ST6GALNAC5: variants seen among roughly 807,000 people sequenced by gnomAD.
ST6GALNAC5 encodes ST6 N-acetylgalactosaminide alpha-2,6-sialyltransferase 5, also known as alpha-N-acetylgalactosaminide alpha-2,6-sialyltransferase 5.
Under a neutral mutation model 33.6 loss-of-function variants are expected in ST6GALNAC5, and 27 were observed. The observed-to-expected ratio is 0.80, with a 90% CI of 0.59 to 1.11. ST6GALNAC5 has a LOEUF of 1.11. Ranked by LOEUF, ST6GALNAC5 falls within the 50% of genes least tolerant of loss-of-function variation. The pLI, the probability that ST6GALNAC5 is intolerant of heterozygous loss-of-function variation, is 0.00. For missense variants in ST6GALNAC5, 428 were observed against 454.0 expected, an observed-to-expected ratio of 0.94 and a Z score of 0.52; for synonymous variants, 194 against 171.2, an observed-to-expected ratio of 1.13 and a Z score of -1.04.
chr1:76,980,930 A>T (rs1369767121), intron 2 of ST6GALNAC5, among the ~76,000 whole-genome samples: 1 of 152,250 alleles, frequency 6.6e-6, no homozygotes, highest in Non-Finnish European at 1.5e-5. Context: ...AAATAAAAAA[A>T]TAACCCAAGG....
intron 2 of ST6GALNAC5, among the ~76,000 whole-genome samples, chr1:76,973,630 T>C (rs961972392): frequency 5.9e-5 from 9 of 152,120 alleles, no homozygotes; most frequent in African/African-American, 1.7e-4. Flanking sequence ...TCACACACCC[T>C]TTATGGCTTC....
intron 2 of ST6GALNAC5, among the ~76,000 whole-genome samples, chr1:76,981,459 C>T (rs115570655): frequency 0.011 from 1,633 of 152,270 alleles, 33 homozygotes; most frequent in African/African-American, 0.037. Flanking sequence ...ATTGCTGAGG[C>T]TTAAGTAGGT....
chr1:77,054,829 C>T (rs957120856), intron 4 of ST6GALNAC5, among the ~76,000 whole-genome samples: 5 of 151,930 alleles, frequency 3.3e-5, no homozygotes, highest in Non-Finnish European at 5.9e-5. Flanking sequence ...CTAATTGTAC[C>T]CCCTAAAAGT....
chr1:76,946,029 C>T, intron 2 of ST6GALNAC5, among the ~76,000 whole-genome samples: 1 of 152,114 alleles, frequency 6.6e-6, no homozygotes, highest in East Asian at 1.9e-4. Flanking sequence ...GATTGATTTG[C>T]ATTTAAATGA....
At position 77,066,257 on chromosome 1, in the gene ST6GALNAC5, TA is replaced by T. The variant is rs202180812; in HGVS notation, c.*3062del. Among the ~76,000 whole-genome samples the T allele has an allele frequency of 2.5e-3, 366 of 147,036 alleles. 2 individuals carry two copies. The highest frequency in any genetic ancestry group is 7.0e-3 in the African/African-American group (281 of 40,336). Reference sequence around the variant, plus strand: ...AGATTTCAGAGTAAGATCTTTTCTTTAAAAAAAAAAATAGATGAAAGCAAAA... The same window carrying T: ...AGATTTCAGAGTAAGATCTTTTCTTTAAAAAAAAAATAGATGAAAGCAAAA... On this transcript the variant is annotated 3_prime_UTR_variant, in exon 5 of 5. Transcript: ENST00000477717.
intron 2 of ST6GALNAC5, among the ~76,000 whole-genome samples, chr1:76,972,337 C>T (rs111869974): frequency 2.6e-5 from 4 of 151,610 alleles, no homozygotes; most frequent in African/African-American, 2.4e-5. Flanking sequence ...TCCCATGACA[C>T]GTGGGAATGA....
chr1:76,977,127 A>G (rs1649042319), intron 2 of ST6GALNAC5, among the ~76,000 whole-genome samples: 1 of 152,094 alleles, frequency 6.6e-6, no homozygotes, highest in Non-Finnish European at 1.5e-5. Flanking sequence ...AATTTCCTGA[A>G]AGATATTTAA....
intron 2 of ST6GALNAC5, among the ~76,000 whole-genome samples, chr1:76,873,702 T>C (rs969317371): frequency 6.6e-6 from 1 of 152,200 alleles, no homozygotes; most frequent in African/African-American, 2.4e-5. Flanking sequence ...AAAAGAATCT[T>C]TGGGAATGAG....
intron 2 of ST6GALNAC5, among the ~76,000 whole-genome samples, chr1:76,883,189 A>G (rs537991209): frequency 6.6e-6 from 1 of 152,324 alleles, no homozygotes; most frequent in South Asian, 2.1e-4. Flanking sequence ...GAGGAAATAA[A>G]TGTTATAATT....
At chr1:76,958,149 C>T (rs755892758) in intron 2 of ST6GALNAC5, among the ~76,000 whole-genome samples, 18 of 152,320 alleles carry the variant, frequency 1.2e-4, no homozygotes, top group Middle Eastern at 3.4e-3. Flanking sequence ...GGTCATGATG[C>T]CACATGTGAC....
intron 2 of ST6GALNAC5, among the ~76,000 whole-genome samples, chr1:76,888,838 A>G (rs1339812458): frequency 1.3e-5 from 2 of 152,154 alleles, no homozygotes; most frequent in Admixed American, 6.5e-5. Context: ...ATGTTTTGGT[A>G]TATGCATACA....
chr1:76,941,566 G>A (rs536457929), intron 2 of ST6GALNAC5, among the ~76,000 whole-genome samples: 8 of 152,184 alleles, frequency 5.3e-5, no homozygotes, highest in African/African-American at 1.9e-4. Context: ...CTCTTCAAAT[G>A]AGATTATCCT....
chr1:76,868,246 C>G lies in ST6GALNAC5; in HGVS notation c.16-251C>G, dbSNP rs1196222429. Reference sequence around the variant, plus strand: ...CGCGCTCCCTCCCTCAGCCCGGGGCCGTACACCACCTGCCCTCTACCGAGA... The same window carrying G: ...CGCGCTCCCTCCCTCAGCCCGGGGCGGTACACCACCTGCCCTCTACCGAGA... On this transcript the variant is annotated intron_variant, in intron 1 of 4. Coordinates refer to ENST00000477717, the MANE Select transcript of ST6GALNAC5 (RefSeq NM_030965.3). The surrounding 1 kb of genome is among the most constrained non-coding windows in gnomAD (Gnocchi z 4.3). 3.3e-5 allele frequency among the ~76,000 whole-genome samples: 5 copies of G among 152,012 alleles called. No homozygotes were observed. Among genetic ancestry groups the G allele is most frequent in the Admixed American group, 6.5e-5 (1 of 15,280 alleles).
At chr1:76,903,352 G>A (rs79394202) in intron 2 of ST6GALNAC5, among the ~76,000 whole-genome samples, 2,770 of 152,118 alleles carry the variant, frequency 0.018, 86 homozygotes, top group African/African-American at 0.062. Flanking sequence ...TTCACACCCC[G>A]TAGGATGGCT....
intron 2 of ST6GALNAC5, among the ~76,000 whole-genome samples, chr1:76,891,917 C>G (rs944964136): frequency 3.9e-5 from 6 of 152,148 alleles, no homozygotes; most frequent in Admixed American, 3.3e-4. Flanking sequence ...GTTATATATA[C>G]TGTCACTAGC....
At chr1:76,972,876 A>C (rs991519735) in intron 2 of ST6GALNAC5, among the ~76,000 whole-genome samples, 1 of 152,156 alleles carries the variant, frequency 6.6e-6, no homozygotes, top group Non-Finnish European at 1.5e-5. Flanking sequence ...AAGAACAATA[A>C]TTCTGTGTAA....
At chr1:76,907,889 A>T (rs963893719) in intron 2 of ST6GALNAC5, among the ~76,000 whole-genome samples, 7 of 152,146 alleles carry the variant, frequency 4.6e-5, no homozygotes, top group African/African-American at 1.7e-4. Flanking sequence ...ATGGTTTCAT[A>T]TACTGTTAAC....
chr1:76,963,161 G>C (rs1648313971), intron 2 of ST6GALNAC5, among the ~76,000 whole-genome samples: 1 of 152,178 alleles, frequency 6.6e-6, no homozygotes, highest in African/African-American at 2.4e-5. Flanking sequence ...TGATAGTAAA[G>C]AGAGATTGCC....
intron 2 of ST6GALNAC5, among the ~76,000 whole-genome samples, chr1:76,908,247 G>A (rs768911818): frequency 6.6e-6 from 1 of 152,094 alleles, no homozygotes; most frequent in African/African-American, 2.4e-5. Flanking sequence ...TGGAGGCTGG[G>A]AAGTCCAAGA....
Sources: gnomAD v4.1 joint callset for allele counts (sites outside exome capture counted in the v4.1 genomes callset) on GRCh38, gnomAD v4.1.1 for gene constraint, Gnocchi (gnomAD v3.1) non-coding constraint, MANE v1.5 for transcripts, NCBI Gene and HGNC (gene_info 2026-07-23, HGNC 2026-07-21) for gene names.